The following FXR1 variants were observed in gnomAD, a reference collection of about 807,000 sequenced individuals.
FXR1 encodes FMR1 autosomal homolog 1.
A neutral mutation model predicts 84.0 loss-of-function variants in FXR1; 15 were observed. The observed-to-expected ratio is 0.18, with a 90% CI of 0.12 to 0.27. FXR1 has a LOEUF of 0.27. Among genes scored for constraint, FXR1 ranks in the 10% least tolerant of loss-of-function variants. The pLI is 1.00. For missense variants in FXR1, 480 were observed against 774.4 expected (o/e 0.62, Z 4.51); for synonymous variants, 245 against 250.7 (o/e 0.98, Z 0.21).
chr3:180,964,673 TTATATATATATATA>T (rs10600370), intron 13 of FXR1, among the ~76,000 whole-genome samples: 1 of 136,356 alleles, frequency 7.3e-6, no homozygotes, highest in African/African-American at 2.9e-5. Context: ...TGTAGTTGAT[TTATATATATATATA>T]TATATATATA....
chr3:180,967,588 A>T (rs1437142788), intron 13 of FXR1, among the ~76,000 whole-genome samples: 1 of 151,538 alleles, frequency 6.6e-6, no homozygotes, highest in African/African-American at 2.4e-5. Flanking sequence ...TTTTGGTGCC[A>T]AAACCTAGGA....
chr3:180,957,352 T>C (rs1371321142), intron 9 of FXR1, among the ~76,000 whole-genome samples: 1 of 152,178 alleles, frequency 6.6e-6, no homozygotes, highest in Non-Finnish European at 1.5e-5. Context: ...TCTAAAGTTA[T>C]CTTCAAGTCA....
At chr3:180,915,689 A>G (rs559586316) in intron 1 of FXR1, 2 of 700,600 alleles carry the variant, frequency 2.9e-6, no homozygotes, top group Non-Finnish European at 5.2e-6. Context: ...GAAGACACAC[A>G]TTTGGCCGTA....
intron 10 of FXR1, among the ~76,000 whole-genome samples, chr3:180,958,832 A>G (rs1358010938): frequency 1.4e-5 from 2 of 144,554 alleles, no homozygotes; most frequent in African/African-American, 2.6e-5. Flanking sequence ...TCCTGGAGAC[A>G]GAGTCTTACT....
chr3:180,927,691 A>T (rs909166816), intron 1 of FXR1: 3 of 518,564 alleles, frequency 5.8e-6, no homozygotes, highest in African/African-American at 2.0e-5. Flanking sequence ...AGATCTTCAT[A>T]GTAAGGTAGG....
At chr3:180,938,101 G>A (rs944588672) in intron 3 of FXR1, among the ~76,000 whole-genome samples, 1 of 152,004 alleles carries the variant, frequency 6.6e-6, no homozygotes, top group African/African-American at 2.4e-5. Flanking sequence ...AAATTATTTG[G>A]TGTGGATATA....
intron 15 of FXR1, among the ~76,000 whole-genome samples, chr3:180,973,177 G>T (rs1713799372): frequency 6.6e-6 from 1 of 152,140 alleles, no homozygotes; most frequent in Admixed American, 6.5e-5. Flanking sequence ...GTATTATAAG[G>T]ACTGGCTATA....
chr3:180,919,963 T>C (rs1038739489), intron 1 of FXR1, among the ~76,000 whole-genome samples: 2 of 152,270 alleles, frequency 1.3e-5, no homozygotes, highest in South Asian at 2.1e-4. Context: ...ACTACCTCCT[T>C]CTTTTAATCA....
chr3:180,939,259 T>TGG (rs1447224886), intron 3 of FXR1, among the ~76,000 whole-genome samples: 1 of 151,910 alleles, frequency 6.6e-6, no homozygotes, highest in Non-Finnish European at 1.5e-5. Flanking sequence ...CTTATACCGG[T>TGG]GGGGGGGTGT....
chr3:180,920,144 GGAGCC>G (rs1718404595), intron 1 of FXR1, among the ~76,000 whole-genome samples: 1 of 152,156 alleles, frequency 6.6e-6, no homozygotes, highest in African/African-American at 2.4e-5. Context: ...CTTCAGATCA[GGAGCC>G]TCAGAGGCTC....
intron 16 of FXR1, 23 bp downstream of exon 16, chr3:180,975,427 G>GTT (rs34318725): frequency 0.013 from 9,240 of 687,772 alleles, 10 homozygotes; most frequent in Non-Finnish European, 0.014. Flanking sequence ...TAACCTGTAG[G>GTT]TTTTTTTTTT....
intron 1 of FXR1, among the ~76,000 whole-genome samples, chr3:180,932,664 C>T (rs971621462): frequency 2.0e-5 from 3 of 152,026 alleles, no homozygotes; most frequent in South Asian, 2.1e-4. Context: ...CCAACATAAT[C>T]GTGAACAGTG....
intron 2 of FXR1, 71 bp from the exon 3 acceptor site, chr3:180,935,067 G>GA (rs1458976717): frequency 1.8e-5 from 12 of 672,560 alleles, no homozygotes; most frequent in Non-Finnish European, 3.2e-5. Flanking sequence ...AAACTAACTT[G>GA]AAAAAATATG....
intron 13 of FXR1, 117 bp from the exon 14 acceptor site, chr3:180,967,933 CT>C (rs1472910328): frequency 3.0e-6 from 2 of 666,702 alleles, no homozygotes; most frequent in African/African-American, 3.6e-5. Context: ...ATGGATCTTT[CT>C]TTGAAGCAGC....
chr3:180,949,437 A>G, intron 7 of FXR1, 94 bp downstream of exon 7: 2 of 754,322 alleles, frequency 2.7e-6, no homozygotes, highest in Non-Finnish European at 4.8e-6. Flanking sequence ...CCCAGGCTAG[A>G]GTGCAGTGGC....
At chr3:180,923,883 C>T (rs1718863641) in intron 1 of FXR1, among the ~76,000 whole-genome samples, 1 of 152,086 alleles carries the variant, frequency 6.6e-6, no homozygotes, top group Admixed American at 6.5e-5. Flanking sequence ...CTCAGGCATC[C>T]TTCTTGAGAA....
chr3:180,967,892 C>T (rs1430234716), intron 13 of FXR1, among the ~76,000 whole-genome samples, 159 bp from the exon 14 acceptor site: 1 of 151,990 alleles, frequency 6.6e-6, no homozygotes, highest in South Asian at 2.1e-4. Context: ...TTGATTATTC[C>T]TTAGTACGTT....
intron 10 of FXR1, among the ~76,000 whole-genome samples, chr3:180,960,259 T>C (rs1216122924): frequency 6.6e-6 from 1 of 152,218 alleles, no homozygotes; most frequent in East Asian, 1.9e-4. Flanking sequence ...TAATTTTACA[T>C]TGTGTAAATA....
chr3:180,938,648 A>C (rs1331519636), intron 3 of FXR1, among the ~76,000 whole-genome samples: 2 of 152,114 alleles, frequency 1.3e-5, no homozygotes, highest in African/African-American at 4.8e-5. Context: ...TCCCGGGTTC[A>C]AGCGATTCTC....
Sources: gnomAD v4.1 joint callset for allele counts (sites outside exome capture counted in the v4.1 genomes callset) on GRCh38, gnomAD v4.1.1 for gene constraint, MANE v1.5 for transcripts, NCBI Gene and HGNC (gene_info 2026-07-23, HGNC 2026-07-21) for gene names.